Variants in LIPA observed in about 807,000 individuals in gnomAD.
LIPA encodes lysosomal acid lipase/cholesteryl ester hydrolase.
A neutral mutation model predicts 40.6 loss-of-function variants in LIPA; 26 were observed. The observed-to-expected ratio is 0.64, with a 90% confidence interval of 0.47 to 0.89. LIPA has a LOEUF of 0.89. LIPA is among the 40% of genes least tolerant of loss of function. The pLI is 0.00. For missense variants in LIPA, 455 were observed against 479.6 expected, an observed-to-expected ratio of 0.95 and a Z score of 0.48; for synonymous variants, 188 against 168.4, an observed-to-expected ratio of 1.12 and a Z score of -0.90.
chr10:89,397,915 TATATA>T (rs1485159269), intron 2 of LIPA, among the ~76,000 whole-genome samples: 1 of 152,204 alleles, frequency 6.6e-6, no homozygotes, highest in Non-Finnish European at 1.5e-5. Context: ...TGGTAAAACA[TATATA>T]ACATAAAATC....
intron 1 of LIPA, among the ~76,000 whole-genome samples, chr10:89,287,198 TC>T (rs1375963268): frequency 3.9e-5 from 6 of 152,218 alleles, no homozygotes; most frequent in Non-Finnish European, 8.8e-5. Flanking sequence ...CTGAGAAGCC[TC>T]CTGGACCATC....
chr10:89,384,572 A>G (rs1844190843), intron 2 of LIPA: 1 of 1,614,088 alleles, frequency 6.2e-7, no homozygotes, highest in Non-Finnish European at 8.5e-7. Flanking sequence ...AAACTTCTCA[A>G]TGCTTTAGAG....
chr10:89,320,631 T>C (rs1354686710), intron 1 of LIPA, among the ~76,000 whole-genome samples: 2 of 152,144 alleles, frequency 1.3e-5, no homozygotes, highest in Non-Finnish European at 2.9e-5. Context: ...ATCGTGAAAA[T>C]GGCCATACTG....
At chr10:89,408,725 TAGAG>T (rs1263234791) in intron 2 of LIPA, among the ~76,000 whole-genome samples, 1 of 152,206 alleles carries the variant, frequency 6.6e-6, no homozygotes, top group Non-Finnish European at 1.5e-5. Context: ...CCATCTCACT[TAGAG>T]AGATGTCATG....
In LIPA at chr10:89,413,112, T is replaced by TAAA. The variant is rs1346847182; in HGVS notation, c.-71-191_-71-190insTTT. Among the ~76,000 whole-genome samples the TAAA allele has an allele frequency of 1.1e-4, 16 of 152,320 alleles. No individual in the cohort carries two copies. In the East Asian group the frequency reaches 1.5e-3, roughly 15 times the overall value. On this transcript the variant is annotated intron_variant, in intron 1 of 8. Coordinates refer to the LIPA transcript ENST00000371837. ...ACAAGTGAGAACATGCAGTGTTTGGTTTCTGTTCCTGCATTAGTTTGCTGA... is the reference window on the plus strand; with the variant it reads ...ACAAGTGAGAACATGCAGTGTTTGGTAAATTCTGTTCCTGCATTAGTTTGCTGA...
At chr10:89,334,787 G>A (rs1048357791) in intron 1 of LIPA, among the ~76,000 whole-genome samples, 8 of 151,776 alleles carry the variant, frequency 5.3e-5, no homozygotes, top group East Asian at 1.9e-4. Flanking sequence ...CACCGCGCCC[G>A]GCCACCTAGC....
chr10:89,269,118 A>C (rs1843252564), intron 1 of LIPA, among the ~76,000 whole-genome samples: 1 of 152,084 alleles, frequency 6.6e-6, no homozygotes, highest in East Asian at 1.9e-4. Flanking sequence ...TGAGGTCAAA[A>C]GATCGAGACC....
At chr10:89,337,277 T>A (rs1025277607) in intron 1 of LIPA, among the ~76,000 whole-genome samples, 1 of 152,148 alleles carries the variant, frequency 6.6e-6, no homozygotes, top group Non-Finnish European at 1.5e-5. Flanking sequence ...TTTCTTAGTA[T>A]CCATAATATC....
At chr10:89,367,395 T>C (rs901996537) in intron 2 of LIPA, among the ~76,000 whole-genome samples, 1 of 152,222 alleles carries the variant, frequency 6.6e-6, no homozygotes, top group East Asian at 1.9e-4. Flanking sequence ...AGACAGCTCT[T>C]AGCTTCTGGC....
At chr10:89,412,244 G>T (rs1017443626) in intron 2 of LIPA, among the ~76,000 whole-genome samples, 1 of 152,186 alleles carries the variant, frequency 6.6e-6, no homozygotes, top group African/African-American at 2.4e-5. Context: ...TTCTGGGTCA[G>T]GTGGGGACTC....
intron 2 of LIPA, among the ~76,000 whole-genome samples, chr10:89,390,206 G>A (rs1480927984): frequency 6.6e-6 from 1 of 151,842 alleles, no homozygotes; most frequent in Middle Eastern, 3.2e-3. Flanking sequence ...GGCTGGTCTC[G>A]AACTCCCAAC....
chr10:89,232,250 A>G (rs1414691300), intron 3 of LIPA, among the ~76,000 whole-genome samples: 1 of 152,202 alleles, frequency 6.6e-6, no homozygotes, highest in Non-Finnish European at 1.5e-5. Context: ...AACACTTTCT[A>G]GAAAGAGGGG....
At chr10:89,238,462 C>T (rs1248909782) in intron 3 of LIPA, among the ~76,000 whole-genome samples, 2 of 152,158 alleles carry the variant, frequency 1.3e-5, no homozygotes, top group South Asian at 2.1e-4. Flanking sequence ...GGAAGAATTG[C>T]TATTCTATAG....
At chr10:89,295,227 C>A (rs1337285585) in intron 1 of LIPA, among the ~76,000 whole-genome samples, 3 of 151,950 alleles carry the variant, frequency 2.0e-5, no homozygotes, top group African/African-American at 4.8e-5. Flanking sequence ...AAATTACAGC[C>A]CATTGTGGGG....
At chr10:89,320,523 A>T (rs1484050044) in intron 1 of LIPA, among the ~76,000 whole-genome samples, 1 of 152,202 alleles carries the variant, frequency 6.6e-6, no homozygotes, top group Admixed American at 6.5e-5. Flanking sequence ...GATGTGAAGG[A>T]CCTCTTCAAG....
chr10:89,286,944 G>A (rs1843344124), intron 1 of LIPA, among the ~76,000 whole-genome samples: 1 of 152,184 alleles, frequency 6.6e-6, no homozygotes, highest in South Asian at 2.1e-4. Context: ...ATTCCTAGAG[G>A]ACCTTCTCCA....
At chr10:89,334,423 T>C (rs1179750757) in intron 1 of LIPA, among the ~76,000 whole-genome samples, 1 of 149,272 alleles carries the variant, frequency 6.7e-6, no homozygotes, top group Non-Finnish European at 1.5e-5. Context: ...GGCATTCTAC[T>C]CCCCAAGTTT....
chr10:89,329,641 GC>G (rs146877312), intron 1 of LIPA, among the ~76,000 whole-genome samples: 6,269 of 152,226 alleles, frequency 0.041, 430 homozygotes, highest in African/African-American at 0.14. Context: ...ATCCTCCTCT[GC>G]CCCATCCACT....
At chr10:89,216,673 C>CA (rs1019848768) in intron 8 of LIPA, among the ~76,000 whole-genome samples, 14 of 152,040 alleles carry the variant, frequency 9.2e-5, no homozygotes, top group African/African-American at 3.4e-4. Flanking sequence ...TGATTTAAAG[C>CA]ATATGAAAGG....
Sources: allele counts gnomAD v4.1 joint callset (sites outside exome capture counted in the v4.1 genomes callset), GRCh38; gene constraint gnomAD v4.1.1; transcripts MANE v1.5; gene names NCBI Gene and HGNC (gene_info 2026-07-23, HGNC 2026-07-21).